Variants in SLC25A48 observed in about 807,000 individuals in gnomAD.
SLC25A48 encodes the protein solute carrier family 25 member 48.
SLC25A48 carries 29 observed loss-of-function variants against 32.2 expected under a neutral mutation model. The observed-to-expected ratio is 0.90, with a 90% CI of 0.67 to 1.23. The LOEUF (loss-of-function observed/expected upper bound fraction) is 1.23, where lower values mean the gene tolerates loss of function less well. Ranked by LOEUF, SLC25A48 falls within the 50% of genes most tolerant of loss-of-function variation. SLC25A48 has a pLI of 0.00. For missense variants in SLC25A48, 399 were observed against 422.7 expected, an observed-to-expected ratio of 0.94 and a Z score of 0.49; for synonymous variants, 164 against 172.3, an observed-to-expected ratio of 0.95 and a Z score of 0.38.
At chr5:135,799,017 T>C (rs1757255603) in intron 3 of SLC25A48, among the ~76,000 whole-genome samples, 1 of 151,682 alleles carries the variant, frequency 6.6e-6, no homozygotes, top group Non-Finnish European at 1.5e-5. Context: ...TCGCCTGTGA[T>C]ATCGTTTTTA....
Position 135,871,567 on chromosome 5 carries a change from G to A in SLC25A48, c.528G>A (p.Gly176=), listed in dbSNP as rs762093431. ...TTIVRNEGLA[G]LYRGASAMLL... The stretch of plus-strand genomic sequence containing the variant: ...TTGTGAGGAATGAGGGCCTGGCGGG[G>A]CTATACCGGGGGGCCAGTGCCATGC... The change falls in exon 5 of 8, where the codon GGG becomes GGA. Residue 176 remains glycine, a synonymous_variant. Coordinates refer to ENST00000681962, the MANE Select transcript of SLC25A48 (RefSeq NM_001349336.2). 1 of 1,614,194 alleles carries A rather than the reference G, an allele frequency of 6.2e-7. No homozygotes were observed. The highest frequency in any genetic ancestry group is 8.5e-7 in the Non-Finnish European group (1 of 1,180,016).
intron 3 of SLC25A48, among the ~76,000 whole-genome samples, chr5:135,704,312 C>T (rs551344438): frequency 1.3e-5 from 2 of 152,328 alleles, no homozygotes; most frequent in African/African-American, 4.8e-5. Flanking sequence ...ATGCCCCAGC[C>T]CTGGGCCTGT....
At chr5:135,871,895 C>T in intron 5 of SLC25A48, 177 bp downstream of exon 5, 1 of 1,494,088 alleles carries the variant, frequency 6.7e-7, no homozygotes, top group Non-Finnish European at 8.9e-7. Context: ...TCAGTCTCAT[C>T]CCTTCCCTAT....
chr5:135,843,960 T>A (rs915793009), intron 2 of SLC25A48, among the ~76,000 whole-genome samples: 15 of 152,162 alleles, frequency 9.9e-5, no homozygotes, highest in Non-Finnish European at 2.1e-4. Context: ...CAAGTTCATG[T>A]CTGAAGTGGA....
At chr5:135,763,754 A>AACACACACACAC (rs747888245) in intron 3 of SLC25A48, among the ~76,000 whole-genome samples, 7,660 of 145,840 alleles carry the variant, frequency 0.053, 279 homozygotes, top group Non-Finnish European at 0.064. Context: ...GAGAAATAGG[A>AACACACACACAC]ACACACACAT....
rs901331716 is a variant in SLC25A48 at position 135,753,607 on chromosome 5, C to A, written c.-520-58916C>A. Among the ~76,000 whole-genome samples, 3 of 151,502 alleles carry A rather than the reference C, an allele frequency of 2.0e-5. No homozygotes were observed. The East Asian group carries it at 5.9e-4, about 30-fold the overall frequency. On this transcript the variant is annotated intron_variant, in intron 3 of 10. Coordinates refer to the SLC25A48 transcript ENST00000646290. Reference sequence around the variant, plus strand: ...CTCAAGAATATTATGCCTGATATAACAGGGTGTACACACAGGGTGCACACC... The same window carrying A: ...CTCAAGAATATTATGCCTGATATAAAAGGGTGTACACACAGGGTGCACACC...
chr5:135,788,636 C>G (rs1316565507), intron 3 of SLC25A48, among the ~76,000 whole-genome samples: 1 of 146,938 alleles, frequency 6.8e-6, no homozygotes, highest in African/African-American at 2.5e-5. Flanking sequence ...GGGTGATATT[C>G]CTCCCCATGT....
intron 3 of SLC25A48, among the ~76,000 whole-genome samples, chr5:135,767,937 T>G (rs1756286464): frequency 6.8e-6 from 1 of 146,296 alleles, no homozygotes; most frequent in Non-Finnish European, 1.5e-5. Flanking sequence ...CACACCCCTG[T>G]GATATTGTTT....
At chr5:135,692,959 C>G (rs1416820208) in intron 3 of SLC25A48, among the ~76,000 whole-genome samples, 1 of 152,148 alleles carries the variant, frequency 6.6e-6, no homozygotes, top group Non-Finnish European at 1.5e-5. Context: ...TTAAATTTTC[C>G]TCCTTTGAAG....
At chr5:135,763,790 C>CGA (rs1554072857) in intron 3 of SLC25A48, among the ~76,000 whole-genome samples, 4 of 151,198 alleles carry the variant, frequency 2.6e-5, no homozygotes, top group East Asian at 1.9e-4. Context: ...CACACACACA[C>CGA]GAGAGAGAGA....
At chr5:135,672,452 G>A (rs1454615422) in intron 3 of SLC25A48, among the ~76,000 whole-genome samples, 1 of 152,136 alleles carries the variant, frequency 6.6e-6, no homozygotes, top group Non-Finnish European at 1.5e-5. Context: ...TAAATGGCAG[G>A]AAGAGAGTGT....
intron 1 of SLC25A48, among the ~76,000 whole-genome samples, chr5:135,611,496 C>CGAAAAAA (rs1752062316): frequency 4.7e-5 from 1 of 21,340 alleles, no homozygotes; most frequent in Non-Finnish European, 8.2e-5. Context: ...GACTCCATCT[C>CGAAAAAA]AAAAAAAAAA....
chr5:135,599,774 C>T (rs1197105065), intron 1 of SLC25A48, among the ~76,000 whole-genome samples: 1 of 152,204 alleles, frequency 6.6e-6, no homozygotes, highest in Non-Finnish European at 1.5e-5. Flanking sequence ...CTTGGTGCCA[C>T]CTTTGGCCTG....
chr5:135,706,791 T>A (rs571298820), intron 3 of SLC25A48, among the ~76,000 whole-genome samples: 1 of 152,216 alleles, frequency 6.6e-6, no homozygotes, highest in Non-Finnish European at 1.5e-5. Flanking sequence ...TGGGTCTGCA[T>A]GACAGGCAGG....
chr5:135,631,915 C>T (rs973377893), intron 2 of SLC25A48, among the ~76,000 whole-genome samples: 1 of 152,198 alleles, frequency 6.6e-6, no homozygotes, highest in African/African-American at 2.4e-5. Context: ...CACTGTTAAG[C>T]AGAGGACTGC....
chr5:135,667,974 A>G (rs902174164), intron 3 of SLC25A48, among the ~76,000 whole-genome samples: 1 of 152,108 alleles, frequency 6.6e-6, no homozygotes, highest in Admixed American at 6.5e-5. Context: ...CTCTTTCCTG[A>G]GTATAAAATC....
In SLC25A48 at chr5:135,805,142, G is replaced by T. The variant is rs116261684; in HGVS notation, c.-520-7381G>T. Among the ~76,000 whole-genome samples the T allele has an allele frequency of 7.1e-3, 1,070 of 151,122 alleles. 15 individuals are homozygous for T. The highest frequency in any genetic ancestry group is 0.025 in the African/African-American group (1,045 of 41,256). On this transcript the variant is annotated intron_variant, in intron 3 of 10. Transcript: ENST00000646290. The stretch of plus-strand genomic sequence containing the variant: ...TACTCCTAATATAATATCACAGTGG[G>T]TGCACACCTGTGTGTGCACCCTGGG...
chr5:135,610,286 A>G (rs1752036413), intron 1 of SLC25A48, among the ~76,000 whole-genome samples: 2 of 152,172 alleles, frequency 1.3e-5, no homozygotes, highest in South Asian at 4.1e-4. Context: ...TAAACTCAAT[A>G]AATGTGTTTA....
intron 3 of SLC25A48, among the ~76,000 whole-genome samples, chr5:135,767,183 G>T (rs538153876): frequency 5.5e-5 from 4 of 72,768 alleles, no homozygotes; most frequent in Non-Finnish European, 1.3e-4. Flanking sequence ...TTCAGGACAG[G>T]TACACCCCCC....
Sources: gnomAD v4.1 joint callset for allele counts (sites outside exome capture counted in the v4.1 genomes callset) on GRCh38, gnomAD v4.1.1 for gene constraint, MANE v1.5 for transcripts, NCBI Gene and HGNC (gene_info 2026-07-23, HGNC 2026-07-21) for gene names.